HCK: variants seen among roughly 807,000 people sequenced by gnomAD.
The protein encoded by HCK is HCK proto-oncogene, Src family tyrosine kinase.
HCK carries 40 observed loss-of-function variants against 70.4 expected under a neutral mutation model. The observed-to-expected ratio is 0.57, with a 90% CI of 0.44 to 0.74. HCK has a LOEUF of 0.74. Ranked by LOEUF, HCK falls within the 30% of genes least tolerant of loss-of-function variation. The pLI is 0.00. For missense variants in HCK, 568 were observed against 697.2 expected (o/e 0.81, Z 2.09); for synonymous variants, 245 against 263.2 (o/e 0.93, Z 0.67).
intron 12 of HCK, among the ~76,000 whole-genome samples, chr20:32,100,769 G>T (rs74795366): frequency 4.6e-5 from 7 of 152,278 alleles, no homozygotes; most frequent in Non-Finnish European, 1.0e-4. Context: ...TGAATGTTTT[G>T]TCTTGAGGGT....
At position 32,089,837 on chromosome 20, in the gene HCK, G is replaced by A. The variant is rs549855492; in HGVS notation, c.1092+1193G>A. Among the ~76,000 whole-genome samples the A allele has an allele frequency of 2.6e-5, 4 of 152,238 alleles. No individual in the cohort carries two copies. In the South Asian group the frequency reaches 6.2e-4, roughly 24 times the overall value. ...AGTGGCCTCTAGGCCGAGCCTGAAG[G>A]ATGAATAGAAGTTCAGTAGATGAAG... On this transcript the variant is annotated intron_variant, in intron 10 of 12. Coordinates refer to ENST00000375852, the MANE Select transcript of HCK (RefSeq NM_002110.5).
rs747503111 is a variant in HCK, at chr20:32,086,685, C to A, written c.893C>A (p.Ser298Ter). The change falls in exon 9 of 13, where the codon TCG (serine) becomes TAG (stop). Residue 298 changes from serine (S) to a stop codon, truncating the protein, a stop_gained. Coordinates refer to ENST00000375852, the MANE Select transcript of HCK (RefSeq NM_002110.5). LOFTEE classifies it high-confidence loss of function. ...AAGACGATGAAGCCAGGGAGCATGT[C>A]GGTGGAGGCCTTCCTGGCAGAGGCC... 6.2e-7 allele frequency: 1 copy of A among 1,613,292 alleles called. No homozygotes were observed. Among genetic ancestry groups the A allele is most frequent in the South Asian group, 1.1e-5 (1 of 91,024 alleles).
At chr20:32,089,773 G>A (rs2045839664) in intron 10 of HCK, among the ~76,000 whole-genome samples, 1 of 152,234 alleles carries the variant, frequency 6.6e-6, no homozygotes, top group African/African-American at 2.4e-5. Context: ...AGAGCATTTA[G>A]CCTGGTCCAG....
intron 12 of HCK, 33 bp from the exon 13 acceptor site, chr20:32,101,284 G>T (rs1222990232): frequency 6.2e-7 from 1 of 1,604,196 alleles, no homozygotes; most frequent in African/African-American, 1.3e-5. Flanking sequence ...TTTCCCAACT[G>T]CTTCCGTTTC....
At chr20:32,081,153 T>A (rs999034333) in intron 6 of HCK, among the ~76,000 whole-genome samples, 1 of 152,088 alleles carries the variant, frequency 6.6e-6, no homozygotes, top group Non-Finnish European at 1.5e-5. Context: ...CCTCCTTTCC[T>A]CCCTCCATAA....
At chr20:32,071,938 C>A (rs368008295) in intron 2 of HCK, 156 bp downstream of exon 2, 1 of 875,786 alleles carries the variant, frequency 1.1e-6, no homozygotes, top group Non-Finnish European at 1.7e-6. Flanking sequence ...CTCTCCGGGA[C>A]GCAGCGCCAG....
intron 1 of HCK, among the ~76,000 whole-genome samples, chr20:32,064,506 C>T (rs528506421): frequency 9.3e-4 from 141 of 152,342 alleles, no homozygotes; most frequent in Admixed American, 4.4e-3. Flanking sequence ...TTTCAGAGAA[C>T]TTCTAATCCA....
At chr20:32,093,798 T>C in intron 10 of HCK, 65 bp from the exon 11 acceptor site, 1 of 1,485,690 alleles carries the variant, frequency 6.7e-7, no homozygotes, top group Non-Finnish European at 9.1e-7. Context: ...CTCTGCTGCT[T>C]TTGGGTGGGG....
intron 1 of HCK, among the ~76,000 whole-genome samples, chr20:32,060,090 CCT>C (rs2045345311): frequency 6.6e-6 from 1 of 152,096 alleles, no homozygotes; most frequent in South Asian, 2.1e-4. Context: ...GCCACCATGT[CCT>C]GTCTGGAGGG....
chr20:32,066,331 T>TTGA lies in HCK; in HGVS notation c.63-5331_63-5330insTGA, dbSNP rs60044994. Among the ~76,000 whole-genome samples the TTGA allele has an allele frequency of 7.1e-3, 581 of 81,866 alleles. 129 individuals carry two copies. The highest frequency in any genetic ancestry group is 0.016 in the African/African-American group (376 of 23,138). The allele number at this position is 81,866 out of a possible 152,430, so 53.7% of individuals were successfully genotyped here. A position where few individuals can be genotyped will look rare whatever the true frequency, so the allele number is the denominator to read the frequency against. ...TTTTTTTTTTTTTTTTTTTTTTTTT[T>TTGA]GACAGAGTCTTGCTCTGTTTCCCAG... On this transcript the variant is annotated intron_variant, in intron 1 of 12. Coordinates refer to ENST00000375852, the MANE Select transcript of HCK (RefSeq NM_002110.5).
chr20:32,098,338 T>A (rs565722041), intron 11 of HCK, among the ~76,000 whole-genome samples: 22 of 152,144 alleles, frequency 1.4e-4, no homozygotes, highest in South Asian at 1.0e-3. Flanking sequence ...GCCAAAAAAA[T>A]TTTTTTAATT....
intron 9 of HCK, among the ~76,000 whole-genome samples, chr20:32,087,645 A>G (rs1017166327): frequency 6.9e-6 from 1 of 144,356 alleles, no homozygotes; most frequent in African/African-American, 2.5e-5. Flanking sequence ...TTCTAAAAAA[A>G]TTTTTTTTTT....
At chr20:32,065,607 T>A (rs1410011704) in intron 1 of HCK, among the ~76,000 whole-genome samples, 1 of 152,194 alleles carries the variant, frequency 6.6e-6, no homozygotes, top group East Asian at 1.9e-4. Flanking sequence ...ATCTCAACAA[T>A]CCTTATAGAA....
chr20:32,072,022 C>T (rs1274636968), intron 2 of HCK: 1 of 529,984 alleles, frequency 1.9e-6, no homozygotes, highest in Non-Finnish European at 3.3e-6. Flanking sequence ...CTGAGCTCCA[C>T]CAAACAGGTG....
chr20:32,067,810 T>A (rs2045481456), intron 1 of HCK, among the ~76,000 whole-genome samples: 1 of 152,094 alleles, frequency 6.6e-6, no homozygotes, highest in Non-Finnish European at 1.5e-5. Flanking sequence ...ATAGCTGAGA[T>A]GTGCTCTAAC....
intron 8 of HCK, among the ~76,000 whole-genome samples, chr20:32,084,917 G>A (rs186859057): frequency 6.6e-6 from 1 of 152,352 alleles, no homozygotes; most frequent in Admixed American, 6.5e-5. Context: ...CCAGGCAACT[G>A]ATGAACAGGT....
chr20:32,073,230 T>G lies in HCK; in HGVS notation c.184-89T>G. 6 of 1,086,332 alleles carry G rather than the reference T, an allele frequency of 5.5e-6. 1 individual carries two copies. The South Asian group carries it at 7.9e-5, about 14-fold the overall frequency. The allele number at this position is 1,086,332 out of a possible 1,614,324, so 67.3% of individuals were successfully genotyped here. A position where few individuals can be genotyped will look rare whatever the true frequency, so the allele number is the denominator to read the frequency against. On this transcript the variant is annotated intron_variant, in intron 2 of 12. Transcript: ENST00000375852. ...CACGACATGCAGGGCTAGGGTAAGA[T>G]GCTCTTGGGTGTCCTTCTCAACACA... is the stretch of plus-strand genomic sequence containing the variant.
intron 11 of HCK, among the ~76,000 whole-genome samples, chr20:32,097,516 C>T (rs1005872046): frequency 1.3e-5 from 2 of 151,928 alleles, no homozygotes; most frequent in Admixed American, 6.6e-5. Context: ...GGAGGCGGAA[C>T]TTGCAGTGAG....
chr20:32,065,156 G>A (rs1434942448), intron 1 of HCK, among the ~76,000 whole-genome samples: 1 of 152,226 alleles, frequency 6.6e-6, no homozygotes, highest in Non-Finnish European at 1.5e-5. Context: ...TGGCAGAACT[G>A]CTATCCAAAC....
Sources: allele counts gnomAD v4.1 joint callset (sites outside exome capture counted in the v4.1 genomes callset), GRCh38; gene constraint gnomAD v4.1.1; transcripts MANE v1.5; gene names NCBI Gene and HGNC (gene_info 2026-07-23, HGNC 2026-07-21).